Variants in NPM1 observed in about 807,000 individuals in gnomAD.
NPM1 encodes the protein nucleophosmin 1, also known as nucleophosmin.
In NPM1, 1 loss-of-function variant was observed where a neutral mutation model predicts 44.1. That is an observed-to-expected ratio of 0.02 (90% confidence interval 0.01 to 0.11). The LOEUF (loss-of-function observed/expected upper bound fraction) is 0.11, where lower values mean the gene tolerates loss of function less well. Ranked by LOEUF, NPM1 falls within the 10% of genes least tolerant of loss-of-function variation. The probability of loss-of-function intolerance (pLI) is 1.00; values close to 1 mark genes in which losing one functional copy is unlikely to be tolerated. For missense variants in NPM1, 197 were observed against 347.8 expected (o/e 0.57, Z 3.45); for synonymous variants, 126 against 111.8 (o/e 1.13, Z -0.80).
At position 171,403,525 on chromosome 5, in the gene NPM1, A is replaced by G. The variant is rs1276857011; in HGVS notation, c.670-1777A>G. On this transcript the variant is annotated intron_variant, in intron 8 of 10. Coordinates refer to ENST00000296930, the MANE Select transcript of NPM1 (RefSeq NM_002520.7). ...CCGTTCTCAATGAGCTGTTGGGCAC[A>G]CCTCCCAGACGGGGTGGTGGCCGGG... 1.7e-5 allele frequency among the ~76,000 whole-genome samples: 2 copies of G among 119,720 alleles called. 1 individual carries two copies. The highest frequency in any genetic ancestry group is 3.6e-5 in the Non-Finnish European group (2 of 54,894). The allele number at this position is 119,720 out of a possible 152,430, so 78.5% of individuals were successfully genotyped here.
chr5:171,387,271 C>T (rs1425740677), upstream of NPM1: 1 of 152,532 alleles, frequency 6.6e-6, no homozygotes, highest in African/African-American at 2.4e-5. Context: ...TCCTTCCTAA[C>T]AAAGAATAAG....
intron 9 of NPM1, chr5:171,406,650 T>G: frequency 2.3e-6 from 3 of 1,307,684 alleles, no homozygotes; most frequent in Non-Finnish European, 1.9e-6. Context: ...CTATTACTTG[T>G]GCATTTGCCT....
chr5:171,410,219 G>A (rs1316753027), intron 10 of NPM1, among the ~76,000 whole-genome samples: 2 of 31,404 alleles, frequency 6.4e-5, no homozygotes, highest in Non-Finnish European at 1.5e-4. Context: ...AGCTGATCTC[G>A]GGAGATGAAG....
At chr5:171,394,041 C>CTTTTTT (rs144186175) in intron 6 of NPM1, among the ~76,000 whole-genome samples, 13 of 97,072 alleles carry the variant, frequency 1.3e-4, no homozygotes, top group East Asian at 3.5e-4. Context: ...TTTTTGTTTT[C>CTTTTTT]TTTTTTTTTT....
At chr5:171,390,720 C>T (rs887851478) in intron 2 of NPM1, among the ~76,000 whole-genome samples, 6 of 130,448 alleles carry the variant, frequency 4.6e-5, no homozygotes, top group African/African-American at 1.3e-4. Context: ...TTTAATATAC[C>T]TTTCCTGTTT....
chr5:171,398,861 TTTTA>T (rs1342867188), intron 6 of NPM1, among the ~76,000 whole-genome samples: 15 of 152,120 alleles, frequency 9.9e-5, no homozygotes, highest in Non-Finnish European at 2.1e-4. Flanking sequence ...CCTCTGTGGT[TTTTA>T]TTTATTTATT....
chr5:171,390,726 TG>T (rs1770530460), intron 2 of NPM1, among the ~76,000 whole-genome samples: 1 of 110,008 alleles, frequency 9.1e-6, no homozygotes, highest in African/African-American at 2.9e-5. Flanking sequence ...ATACCTTTCC[TG>T]TTTTTTTTTT....
intron 7 of NPM1, among the ~76,000 whole-genome samples, chr5:171,400,460 C>CT (rs199784076): frequency 0.015 from 2,090 of 138,664 alleles, 39 homozygotes; most frequent in African/African-American, 0.037. Context: ...TTTTTCCTTC[C>CT]TTTTTTTTTT....
rs891521218 is a variant in NPM1, at chr5:171,410,899, G to A, written c.*334G>A. ...TTAATAAAGTAGCACGGTTTCTATT[G>A]ACTTATTTAACTGCTTTATACTTTG... On this transcript the variant is annotated 3_prime_UTR_variant, in exon 11 of 11. Coordinates refer to ENST00000296930, the MANE Select transcript of NPM1 (RefSeq NM_002520.7). The A allele has an allele frequency of 7.7e-5, 19 of 245,658 alleles. No homozygotes were observed. Among genetic ancestry groups the A allele is most frequent in the African/African-American group, 4.2e-4 (19 of 45,204 alleles). The allele number at this position is 245,658 out of a possible 1,614,324, so 15.2% of individuals were successfully genotyped here.
intron 9 of NPM1, chr5:171,407,148 A>AT (rs1307559837): frequency 6.5e-6 from 1 of 152,862 alleles, no homozygotes; most frequent in Non-Finnish European, 1.5e-5. Context: ...TGTATCCATA[A>AT]TTTGAAGGAA....
chr5:171,394,558 T>C (rs1322286663), intron 6 of NPM1, among the ~76,000 whole-genome samples: 2 of 152,138 alleles, frequency 1.3e-5, no homozygotes, highest in African/African-American at 4.8e-5. Flanking sequence ...CCTCTCAGAC[T>C]ATGAAGCAGG....
At chr5:171,399,674 AG>A (rs899341685) in intron 6 of NPM1, among the ~76,000 whole-genome samples, 4 of 126,894 alleles carry the variant, frequency 3.2e-5, no homozygotes, top group Non-Finnish European at 5.0e-5. Flanking sequence ...GTTTCTATTT[AG>A]GTCTTTAATT....
chr5:171,393,116 A>G (rs1770676804), intron 6 of NPM1, 138 bp downstream of exon 6: 3 of 1,136,388 alleles, frequency 2.6e-6, no homozygotes, highest in East Asian at 2.6e-5. Flanking sequence ...ATAAAAGGGC[A>G]GGTGGTCATC....
At chr5:171,399,443 T>A (rs1284994328) in intron 6 of NPM1, among the ~76,000 whole-genome samples, 1 of 152,072 alleles carries the variant, frequency 6.6e-6, no homozygotes, top group East Asian at 1.9e-4. Context: ...AGGGTTCTCA[T>A]TATGTTGCCT....
chr5:171,389,056 A>G (rs1770433090), intron 1 of NPM1, among the ~76,000 whole-genome samples: 1 of 152,210 alleles, frequency 6.6e-6, no homozygotes, highest in Admixed American at 6.5e-5. Context: ...GAGTCAGATC[A>G]AGACCTAAGA....
Position 171,387,856 on chromosome 5 carries a change from T to C in NPM1, c.-93T>C, listed in dbSNP as rs972755933. ...GCGCGGGGAGCCTGCGTCCTTTCCC[T>C]GGTGTGATTCCGTCCTGCGCGGTTG... On this transcript the variant is annotated 5_prime_UTR_variant, in exon 1 of 11. Transcript: ENST00000296930. 1.0e-4 allele frequency: 121 copies of C among 1,194,188 alleles called. No homozygotes were observed. The highest frequency in any genetic ancestry group is 1.4e-4 in the Non-Finnish European group (111 of 806,590). The allele number at this position is 1,194,188 out of a possible 1,614,324, so 74.0% of individuals were successfully genotyped here.
Position 171,405,420 on chromosome 5 carries a change from TA to T in NPM1, c.771+24del, listed in dbSNP as rs755339918. 8.2e-7 allele frequency: 1 copy of T among 1,220,348 alleles called. No homozygotes were observed. Among genetic ancestry groups the T allele is most frequent in the Non-Finnish European group, 1.2e-6 (1 of 837,324 alleles). The allele number at this position is 1,220,348 out of a possible 1,614,324, so 75.6% of individuals were successfully genotyped here. A position where few individuals can be genotyped will look rare whatever the true frequency, so the allele number is the denominator to read the frequency against. On this transcript the variant is annotated intron_variant, in intron 9 of 10. Coordinates refer to ENST00000296930, the MANE Select transcript of NPM1 (RefSeq NM_002520.7). Reference sequence around the variant, plus strand: ...ATAGAAAAAGTGAGTAAAGTTATCTTAAAAAAACTTTGTCTCCCCCCTCAAA... The same window carrying T: ...ATAGAAAAAGTGAGTAAAGTTATCTTAAAAAACTTTGTCTCCCCCCTCAAA...
chr5:171,405,506 T>TA (rs1771516984), intron 9 of NPM1, 103 bp downstream of exon 9: 2 of 677,602 alleles, frequency 3.0e-6, no homozygotes, highest in Non-Finnish European at 5.3e-6. Flanking sequence ...TGTTTTGGTT[T>TA]AATATACTTG....
At chr5:171,391,456 T>C (rs1419496366) in intron 3 of NPM1, 32 bp downstream of exon 3, 1 of 1,603,144 alleles carries the variant, frequency 6.2e-7, no homozygotes, top group African/African-American at 1.3e-5. Context: ...GGATGTTGTG[T>C]CAAGGTTTAA....
Sources: allele counts gnomAD v4.1 joint callset (sites outside exome capture counted in the v4.1 genomes callset), GRCh38; gene constraint gnomAD v4.1.1; transcripts MANE v1.5; gene names NCBI Gene and HGNC (gene_info 2026-07-23, HGNC 2026-07-21).